DOP1B: variants seen among roughly 807,000 people sequenced by gnomAD.
DOP1B encodes the protein protein DOP1B.
In DOP1B, 174 loss-of-function variants were observed where a neutral mutation model predicts 233.5. The observed-to-expected ratio is 0.75, with a 90% CI of 0.66 to 0.85. The LOEUF (loss-of-function observed/expected upper bound fraction) is 0.85, where lower values mean the gene tolerates loss of function less well. Ranked by LOEUF, DOP1B falls within the 40% of genes least tolerant of loss-of-function variation. DOP1B has a pLI of 0.00. For synonymous variants in DOP1B, 1,190 were observed against 1,185.6 expected (o/e 1.00, Z -0.08); for missense variants, 2,652 against 2,846.6 (o/e 0.93, Z 1.56).
At chr21:36,258,209 A>G (rs1449627952) in intron 23 of DOP1B, among the ~76,000 whole-genome samples, 1 of 152,124 alleles carries the variant, frequency 6.6e-6, no homozygotes, top group Admixed American at 6.5e-5. Flanking sequence ...CAGAAGTTTA[A>G]GACCAGCCTG....
intron 2 of DOP1B, among the ~76,000 whole-genome samples, chr21:36,194,493 T>TC (rs2066267149): frequency 6.7e-6 from 1 of 149,334 alleles, no homozygotes; most frequent in African/African-American, 2.5e-5. Flanking sequence ...CTCTCTTTTT[T>TC]TTTTTTTTTT....
At chr21:36,178,882 C>A (rs1330493949) in intron 2 of DOP1B, among the ~76,000 whole-genome samples, 3 of 152,194 alleles carry the variant, frequency 2.0e-5, no homozygotes, top group African/African-American at 7.2e-5. Flanking sequence ...ACGTTTATCC[C>A]TGTGAAACCA....
At chr21:36,164,020 GAC>G in intron 1 of DOP1B, among the ~76,000 whole-genome samples, 1 of 152,192 alleles carries the variant, frequency 6.6e-6, no homozygotes, top group East Asian at 1.9e-4. Context: ...AGCTTCTACT[GAC>G]ATCTCATTGT....
rs563785603 is a variant in DOP1B at position 36,237,577 on chromosome 21, C to T, written c.2775+163C>T. Among the ~76,000 whole-genome samples, 6 of 152,292 alleles carry T rather than the reference C, an allele frequency of 3.9e-5. No homozygotes were observed. The East Asian group carries it at 7.7e-4, about 20-fold the overall frequency. On this transcript the variant is annotated intron_variant, in intron 16 of 36. Transcript: ENST00000691173. ...GTTCTAGGATTTCAGTACTGGAAGG[C>T]CACTAGAAGCATGAGCCATTCTTTT... is the stretch of plus-strand genomic sequence containing the variant.
intron 10 of DOP1B, among the ~76,000 whole-genome samples, chr21:36,220,487 GGTTTTCTTTTT>G (rs1381269083): frequency 6.6e-6 from 1 of 151,816 alleles, no homozygotes; most frequent in Non-Finnish European, 1.5e-5. Context: ...AGTTGCTTGG[GGTTTTCTTTTT>G]GTTTTCTTGT....
chr21:36,176,280 T>C (rs1655059780), intron 2 of DOP1B, among the ~76,000 whole-genome samples: 1 of 152,070 alleles, frequency 6.6e-6, no homozygotes, highest in African/African-American at 2.4e-5. Flanking sequence ...CCTTTCAGCC[T>C]TCCTCCCCCA....
chr21:36,270,247 AAAAG>A (rs920555483), intron 27 of DOP1B, 90 bp downstream of exon 27: 6 of 1,441,960 alleles, frequency 4.2e-6, no homozygotes, highest in African/African-American at 2.8e-5. Flanking sequence ...TCTCACCACA[AAAAG>A]AAAGAAAGTA....
At chr21:36,263,070 A>G (rs1323125240) in intron 24 of DOP1B, among the ~76,000 whole-genome samples, 1 of 152,058 alleles carries the variant, frequency 6.6e-6, no homozygotes, top group Non-Finnish European at 1.5e-5. Context: ...CCCCGTCGCT[A>G]CTAAAAATAC....
chr21:36,251,335 T>TA, intron 22 of DOP1B, 51 bp downstream of exon 22: 1 of 1,573,250 alleles, frequency 6.4e-7, no homozygotes. Flanking sequence ...GACAAAGAAA[T>TA]ACCACAGAAT....
rs942764901 is a variant in DOP1B at position 36,184,747 on chromosome 21, C to T, written c.139-14323C>T. ...AAGTGCTGACCCAGCAGGCAGCCCACGTGCGCTTCAGGTGTGGGAGGCTCT... is the reference window on the plus strand; with the variant it reads ...AAGTGCTGACCCAGCAGGCAGCCCATGTGCGCTTCAGGTGTGGGAGGCTCT... On this transcript the variant is annotated intron_variant, in intron 2 of 36. Transcript: ENST00000691173. 2.6e-5 allele frequency among the ~76,000 whole-genome samples: 4 copies of T among 152,224 alleles called. No homozygotes were observed. The South Asian group carries it at 6.2e-4, about 24-fold the overall frequency.
chr21:36,244,232 G>A (rs1451542932), intron 18 of DOP1B, among the ~76,000 whole-genome samples: 2 of 151,718 alleles, frequency 1.3e-5, no homozygotes, highest in African/African-American at 4.8e-5. Context: ...ATGTTGGCCA[G>A]GCTGGTCTCA....
chr21:36,236,506 T>C, intron 15 of DOP1B, among the ~76,000 whole-genome samples: 1 of 152,176 alleles, frequency 6.6e-6, no homozygotes, highest in East Asian at 1.9e-4. Context: ...TGAGTGATCT[T>C]GACAACCACT....
intron 4 of DOP1B, among the ~76,000 whole-genome samples, chr21:36,203,336 T>C (rs1038175304): frequency 1.3e-4 from 20 of 152,202 alleles, no homozygotes; most frequent in African/African-American, 3.6e-4. Flanking sequence ...GCCACAGTAA[T>C]TGAAGTGACT....
rs563106726 is a variant in DOP1B at position 36,269,870 on chromosome 21, A to G, written c.5488-143A>G. 326 of 801,314 alleles carry G rather than the reference A, an allele frequency of 4.1e-4. 2 individuals are homozygous for G. The highest frequency in any genetic ancestry group is 1.6e-3 in the African/African-American group (90 of 57,972). 49.6% of individuals were successfully genotyped at this position (801,314 alleles called of 1,614,324 possible). A position where few individuals can be genotyped will look rare whatever the true frequency, so the allele number is the denominator to read the frequency against. On this transcript the variant is annotated intron_variant, in intron 26 of 36. Transcript: ENST00000691173. ...CTTTAACTGTTTATTTTTACCTTCAATGTGGCTCCTAGAAAGCTTAATGGT... is the reference window on the plus strand; with the variant it reads ...CTTTAACTGTTTATTTTTACCTTCAGTGTGGCTCCTAGAAAGCTTAATGGT...
intron 18 of DOP1B, among the ~76,000 whole-genome samples, chr21:36,240,880 A>G (rs1601439981): frequency 1.3e-5 from 2 of 152,356 alleles, no homozygotes; most frequent in South Asian, 2.1e-4. Context: ...AAAAATAATA[A>G]TAAGAAGAAG....
At chr21:36,211,757 A>G in intron 6 of DOP1B, 106 bp downstream of exon 6, 1 of 1,344,954 alleles carries the variant, frequency 7.4e-7, no homozygotes, top group Non-Finnish European at 1.0e-6. Context: ...ACTCATGGGC[A>G]TTATTTGCTG....
intron 1 of DOP1B, among the ~76,000 whole-genome samples, chr21:36,160,509 ACT>A: frequency 7.7e-6 from 1 of 130,178 alleles, no homozygotes; most frequent in South Asian, 2.4e-4. Flanking sequence ...ACAGAGTCTC[ACT>A]CTGTCACCCA....
At chr21:36,203,523 G>T (rs140662417) in intron 4 of DOP1B, among the ~76,000 whole-genome samples, 2 of 152,028 alleles carry the variant, frequency 1.3e-5, no homozygotes, top group African/African-American at 4.8e-5. Flanking sequence ...AGCCAAGATC[G>T]CACCACTGCA....
At chr21:36,272,722 C>G (rs1374555015) in intron 27 of DOP1B, among the ~76,000 whole-genome samples, 1 of 147,498 alleles carries the variant, frequency 6.8e-6, no homozygotes, top group Non-Finnish European at 1.5e-5. Context: ...CGGTGGCTCA[C>G]GCCTGTAATC....
Sources: gnomAD v4.1 joint callset for allele counts (sites outside exome capture counted in the v4.1 genomes callset) on GRCh38, gnomAD v4.1.1 for gene constraint, MANE v1.5 for transcripts, NCBI Gene and HGNC (gene_info 2026-07-23, HGNC 2026-07-21) for gene names.